The following CDK17 variants were observed in gnomAD, a reference collection of about 807,000 sequenced individuals.
CDK17 encodes the protein cyclin-dependent kinase 17.
In CDK17, 24 loss-of-function variants were observed where a neutral mutation model predicts 77.6. That is an observed-to-expected ratio of 0.31 (90% CI 0.22 to 0.44). The LOEUF is 0.44. Among genes scored for constraint, CDK17 ranks in the 20% least tolerant of loss-of-function variants. The pLI is 1.00. For synonymous variants in CDK17, 203 were observed against 210.4 expected, an observed-to-expected ratio of 0.96 and a Z score of 0.30; for missense variants, 429 against 622.5, an observed-to-expected ratio of 0.69 and a Z score of 3.31.
At chr12:96,377,639 T>C (rs947756174) in intron 1 of CDK17, among the ~76,000 whole-genome samples, 2 of 151,150 alleles carry the variant, frequency 1.3e-5, no homozygotes, top group African/African-American at 4.9e-5. Flanking sequence ...ATTTAGGTGG[T>C]AGTACAAAAT....
intron 5 of CDK17, among the ~76,000 whole-genome samples, chr12:96,304,142 A>G (rs992976450): frequency 6.6e-6 from 1 of 152,184 alleles, no homozygotes; most frequent in Non-Finnish European, 1.5e-5. Flanking sequence ...GTTTGACCTC[A>G]CATAACTGAA....
intron 1 of CDK17, among the ~76,000 whole-genome samples, chr12:96,398,025 CTTTTA>C (rs1181617953): frequency 6.6e-6 from 1 of 152,064 alleles, no homozygotes; most frequent in Non-Finnish European, 1.5e-5. Flanking sequence ...ACAGGCTTTG[CTTTTA>C]TTTTCTTTCC....
intron 3 of CDK17, 45 bp downstream of exon 3, chr12:96,323,903 C>A: frequency 7.1e-7 from 1 of 1,401,594 alleles, no homozygotes; most frequent in African/African-American, 1.4e-5. Flanking sequence ...ATGTGCATGA[C>A]GTATAATCAG....
chr12:96,341,006 A>G (rs996186604), intron 1 of CDK17, among the ~76,000 whole-genome samples: 1 of 152,012 alleles, frequency 6.6e-6, no homozygotes, highest in Non-Finnish European at 1.5e-5. Context: ...CTTCACCCTC[A>G]AGTAGGCCCC....
In CDK17 at chr12:96,335,925, A is replaced by C. The variant is rs182007308; in HGVS notation, c.-29-1060T>G. Among the ~76,000 whole-genome samples the C allele has an allele frequency of 4.6e-5, 7 of 152,312 alleles. No individual in the cohort carries two copies. The East Asian group carries it at 1.3e-3, about 29-fold the overall frequency. ...AACCAACCAAGAGTAAGGGCCGTAC[A>C]ACTCCTCTATATTAAAGTACAGGGG... is the stretch of plus-strand genomic sequence containing the variant. On this transcript the variant is annotated intron_variant, in intron 1 of 16. Coordinates refer to ENST00000261211, the MANE Select transcript of CDK17 (RefSeq NM_002595.5).
intron 1 of CDK17, among the ~76,000 whole-genome samples, chr12:96,366,806 T>C (rs546769039): frequency 6.6e-6 from 1 of 152,362 alleles, no homozygotes; most frequent in South Asian, 2.1e-4. Context: ...ATATGTGACT[T>C]CTCCTAAATA....
At chr12:96,370,495 T>G (rs868226056) in intron 1 of CDK17, among the ~76,000 whole-genome samples, 1 of 152,142 alleles carries the variant, frequency 6.6e-6, no homozygotes, top group African/African-American at 2.4e-5. Context: ...CAGAGCAAGA[T>G]CAAAAGTAGG....
intron 1 of CDK17, among the ~76,000 whole-genome samples, chr12:96,348,467 C>T (rs1296423026): frequency 1.4e-5 from 2 of 138,482 alleles, no homozygotes; most frequent in Non-Finnish European, 3.0e-5. Context: ...GAGGTTGCAG[C>T]GAGCCGAGGT....
intron 3 of CDK17, among the ~76,000 whole-genome samples, chr12:96,322,761 A>T (rs1952839802): frequency 6.6e-6 from 1 of 152,216 alleles, no homozygotes; most frequent in Non-Finnish European, 1.5e-5. Flanking sequence ...TTGCATATTC[A>T]TTACCTTTGT....
intron 1 of CDK17, among the ~76,000 whole-genome samples, chr12:96,363,498 A>G (rs1478035102): frequency 1.3e-5 from 2 of 151,708 alleles, no homozygotes; most frequent in African/African-American, 4.8e-5. Flanking sequence ...GGGGTTCCAC[A>G]GAACTCTAGT....
At chr12:96,307,162 G>T (rs1159577031) in intron 5 of CDK17, among the ~76,000 whole-genome samples, 4 of 152,116 alleles carry the variant, frequency 2.6e-5, no homozygotes, top group Admixed American at 2.0e-4. Flanking sequence ...GGGTGTGGTG[G>T]CGCATGCCTG....
intron 2 of CDK17, 53 bp downstream of exon 2, chr12:96,334,666 A>G (rs1953016408): frequency 2.2e-6 from 2 of 912,180 alleles, no homozygotes; most frequent in Admixed American, 3.8e-5. Flanking sequence ...TTTACATTCT[A>G]TTCATAAAGT....
chr12:96,367,444 T>C (rs1953606500), intron 1 of CDK17, among the ~76,000 whole-genome samples: 1 of 151,772 alleles, frequency 6.6e-6, no homozygotes, highest in South Asian at 2.1e-4. Context: ...GCTCACATTC[T>C]GAGCATTAGA....
At chr12:96,369,266 T>C (rs1030227246) in intron 1 of CDK17, among the ~76,000 whole-genome samples, 1 of 152,178 alleles carries the variant, frequency 6.6e-6, no homozygotes, top group Non-Finnish European at 1.5e-5. Flanking sequence ...AAGGCCTGTA[T>C]TCATGAAAGG....
chr12:96,278,391 A>T lies in CDK17; in HGVS notation c.*1851T>A, dbSNP rs1952132777. On this transcript the variant is annotated 3_prime_UTR_variant, in exon 17 of 17. Transcript: ENST00000261211. ...TATAATTGAGAGTGCTATAAAAAAAACCCAGCAGAAATTACTAAGCAAATG... is the reference window on the plus strand; with the variant it reads ...TATAATTGAGAGTGCTATAAAAAAATCCCAGCAGAAATTACTAAGCAAATG... 1 of 152,114 alleles carries T rather than the reference A, an allele frequency of 6.6e-6. No individual in the cohort carries two copies. The allele number at this position is 152,114 out of a possible 1,614,324, so 9.4% of individuals were successfully genotyped here. A position where few individuals can be genotyped will look rare whatever the true frequency, so the allele number is the denominator to read the frequency against.
At chr12:96,377,689 T>G (rs576656982) in intron 1 of CDK17, among the ~76,000 whole-genome samples, 1 of 142,828 alleles carries the variant, frequency 7.0e-6, no homozygotes, top group South Asian at 2.5e-4. Context: ...GCAGTTTTTT[T>G]TTTTCGTTTT....
At position 96,324,111 on chromosome 12, in the gene CDK17, C is replaced by T; in HGVS notation, c.120G>A (p.Glu40=). ...GAGGCCTGCCATTCTTCACAATAGGCTCTGTGGTTCATAGAATTCGAAAAT... is the reference window on the plus strand; with the variant it reads ...GAGGCCTGCCATTCTTCACAATAGGTTCTGTGGTTCATAGAATTCGAAAAT... The part of the protein sequence containing the change: ...TIEENSSKDN[E]PIVKNGRPPT... The change falls in exon 3 of 17, where the codon GAG becomes GAA. Residue 40 remains glutamate (E), a splice_region_variant and synonymous_variant. Transcript: ENST00000261211. 1 of 1,597,332 alleles carries T rather than the reference C, an allele frequency of 6.3e-7. No homozygotes were observed. The highest frequency in any genetic ancestry group is 2.2e-5 in the East Asian group (1 of 44,672).
intron 9 of CDK17, among the ~76,000 whole-genome samples, chr12:96,296,685 TACTC>T (rs919965536): frequency 3.3e-5 from 5 of 152,258 alleles, no homozygotes; most frequent in Non-Finnish European, 7.3e-5. Context: ...TGGATGCTGT[TACTC>T]AGTTAATAAC....
At chr12:96,352,452 A>C (rs1020641406) in intron 1 of CDK17, among the ~76,000 whole-genome samples, 2 of 152,004 alleles carry the variant, frequency 1.3e-5, no homozygotes, top group South Asian at 2.1e-4. Context: ...TGAAACAGAG[A>C]GGGATCTCCC....
Sources: gnomAD v4.1 joint callset for allele counts (sites outside exome capture counted in the v4.1 genomes callset) on GRCh38, gnomAD v4.1.1 for gene constraint, MANE v1.5 for transcripts, NCBI Gene and HGNC (gene_info 2026-07-23, HGNC 2026-07-21) for gene names.